Variants in TMC1 observed in about 807,000 individuals in gnomAD.
TMC1 encodes the protein transmembrane channel-like protein 1.
Under a neutral mutation model 105.8 loss-of-function variants are expected in TMC1, and 84 were observed. The observed-to-expected ratio is 0.79, with a 90% confidence interval of 0.67 to 0.95. The LOEUF is 0.95. TMC1 is among the 40% of genes least tolerant of loss of function. The pLI is 0.00. For missense variants in TMC1, 817 were observed against 914.1 expected (o/e 0.89, Z 1.37); for synonymous variants, 315 against 311.5 (o/e 1.01, Z -0.12).
chr9:72,830,760 T>C (rs1829030674), intron 23 of TMC1, 78 bp downstream of exon 23: 1 of 1,288,788 alleles, frequency 7.8e-7, no homozygotes, highest in Non-Finnish European at 1.1e-6. Context: ...TTTTTGCTTT[T>C]TCTCCATTGG....
At chr9:72,734,739 C>A (rs1244572290) in intron 8 of TMC1, among the ~76,000 whole-genome samples, 1 of 152,144 alleles carries the variant, frequency 6.6e-6, no homozygotes, top group African/African-American at 2.4e-5. Flanking sequence ...CTAGAAAGTA[C>A]AAGTTTTGAT....
At chr9:72,747,503 C>T (rs115732508) in intron 10 of TMC1, among the ~76,000 whole-genome samples, 2,887 of 152,240 alleles carry the variant, frequency 0.019, 88 homozygotes, top group African/African-American at 0.063. Context: ...TTGAAAGAAA[C>T]AAGAATATTC....
chr9:72,564,691 A>G (rs1286493065), intron 1 of TMC1, among the ~76,000 whole-genome samples: 1 of 152,204 alleles, frequency 6.6e-6, no homozygotes, highest in Non-Finnish European at 1.5e-5. Context: ...TTAGTGGGGG[A>G]CATGTCCTTA....
intron 2 of TMC1, among the ~76,000 whole-genome samples, chr9:72,581,357 A>G (rs1204077686): frequency 1.3e-5 from 2 of 152,234 alleles, no homozygotes; most frequent in East Asian, 3.8e-4. Flanking sequence ...AATAAATATC[A>G]GGTTGTATCT....
chr9:72,691,677 T>G (rs1338705182), intron 6 of TMC1, among the ~76,000 whole-genome samples: 1 of 152,184 alleles, frequency 6.6e-6, no homozygotes, highest in African/African-American at 2.4e-5. Context: ...TGTCCTGAGT[T>G]CTTTTTTTTG....
chr9:72,602,229 A>T (rs1824828260), intron 2 of TMC1, among the ~76,000 whole-genome samples: 1 of 152,114 alleles, frequency 6.6e-6, no homozygotes, highest in South Asian at 2.1e-4. Flanking sequence ...GTTTTAGTAT[A>T]ATATTATTAC....
intron 4 of TMC1, among the ~76,000 whole-genome samples, chr9:72,642,694 A>G (rs1273302952): frequency 6.6e-6 from 1 of 152,218 alleles, no homozygotes; most frequent in Non-Finnish European, 1.5e-5. Flanking sequence ...AAAAATAACT[A>G]CAGCCCAAGG....
At chr9:72,789,022 G>T in intron 14 of TMC1, 101 bp from the exon 15 acceptor site, 1 of 1,166,432 alleles carries the variant, frequency 8.6e-7, no homozygotes, top group East Asian at 2.5e-5. Context: ...CTCACATTCT[G>T]ATGATTGTAA....
intron 10 of TMC1, among the ~76,000 whole-genome samples, chr9:72,743,391 T>TAA (rs886595394): frequency 7.6e-6 from 1 of 132,152 alleles, no homozygotes; most frequent in African/African-American, 2.7e-5. Context: ...ATAAAAAAAA[T>TAA]AAAAAATAAA....
intron 13 of TMC1, among the ~76,000 whole-genome samples, chr9:72,780,734 A>G (rs1277081356): frequency 1.3e-5 from 2 of 152,236 alleles, no homozygotes; most frequent in Non-Finnish European, 2.9e-5. Flanking sequence ...AGAGGATTAC[A>G]TAAAGATAAA....
At chr9:72,637,864 T>A (rs993422833) in intron 4 of TMC1, among the ~76,000 whole-genome samples, 2 of 152,252 alleles carry the variant, frequency 1.3e-5, no homozygotes, top group African/African-American at 4.8e-5. Flanking sequence ...AGAGAATTAG[T>A]ATTCCAGTAA....
At chr9:72,807,251 G>A (rs527973704) in intron 18 of TMC1, among the ~76,000 whole-genome samples, 1 of 152,272 alleles carries the variant, frequency 6.6e-6, no homozygotes, top group Non-Finnish European at 1.5e-5. Flanking sequence ...TGGAAAGAGA[G>A]GGAGAGGGAG....
At position 72,620,023 on chromosome 9, in the gene TMC1, C is replaced by T. The variant is rs146826213; in HGVS notation, c.-196+3546C>T. On this transcript the variant is annotated intron_variant, in intron 3 of 23. Coordinates refer to ENST00000297784, the MANE Select transcript of TMC1 (RefSeq NM_138691.3). ...CTAATGTTTGTATTTTTAGTAGAGA[C>T]GGGGTTTCACCACGTTGGCCAGGAT... Among the ~76,000 whole-genome samples the T allele has an allele frequency of 4.4e-3, 670 of 151,660 alleles. 5 individuals carry two copies. The highest frequency in any genetic ancestry group is 0.015 in the African/African-American group (638 of 41,330).
chr9:72,738,931 G>A (rs1331269443), intron 8 of TMC1, among the ~76,000 whole-genome samples: 5 of 151,966 alleles, frequency 3.3e-5, no homozygotes, highest in Admixed American at 6.6e-5. Context: ...TGCAGCCCCC[G>A]AGAGCTGAAG....
At chr9:72,724,018 T>C (rs955758523) in intron 8 of TMC1, among the ~76,000 whole-genome samples, 2 of 152,208 alleles carry the variant, frequency 1.3e-5, no homozygotes, top group Non-Finnish European at 2.9e-5. Context: ...TCTGCCCATA[T>C]GGTTGCAGAA....
chr9:72,557,896 G>C (rs1360171816), intron 1 of TMC1, among the ~76,000 whole-genome samples: 1 of 152,178 alleles, frequency 6.6e-6, no homozygotes, highest in Non-Finnish European at 1.5e-5. Context: ...TGGAGCCCAA[G>C]TGGATGTCTT....
At chr9:72,740,026 G>A (rs1437549659) in intron 8 of TMC1, 93 bp from the exon 9 acceptor site, 1 of 950,666 alleles carries the variant, frequency 1.1e-6, no homozygotes, top group East Asian at 2.6e-5. Context: ...AAATAAGACT[G>A]CAGACCTGGT....
chr9:72,641,974 C>T (rs1449361804), intron 4 of TMC1, among the ~76,000 whole-genome samples: 2 of 151,238 alleles, frequency 1.3e-5, no homozygotes, highest in African/African-American at 4.9e-5. Context: ...TGAGCCACCA[C>T]TCCCGGCTAA....
chr9:72,655,799 TCAA>T, intron 5 of TMC1: 1 of 617,538 alleles, frequency 1.6e-6, no homozygotes, highest in Non-Finnish European at 2.9e-6. Flanking sequence ...TTTTAATTTT[TCAA>T]CTGGTAATTA....
Sources: allele counts gnomAD v4.1 joint callset (sites outside exome capture counted in the v4.1 genomes callset), GRCh38; gene constraint gnomAD v4.1.1; transcripts MANE v1.5; gene names NCBI Gene and HGNC (gene_info 2026-07-23, HGNC 2026-07-21).